The following PATJ variants were observed in gnomAD, a reference collection of about 807,000 sequenced individuals.
PATJ encodes the protein inaD-like protein.
Under a neutral mutation model 224.9 loss-of-function variants are expected in PATJ, and 190 were observed. The observed-to-expected ratio is 0.84, with a 90% CI of 0.75 to 0.95. PATJ has a LOEUF of 0.95. Among genes scored for constraint, PATJ ranks in the 40% least tolerant of loss-of-function variants. The probability of loss-of-function intolerance (pLI) is 0.00; values close to 1 mark genes in which losing one functional copy is unlikely to be tolerated. For missense variants in PATJ, 2,121 were observed against 2,270.3 expected (o/e 0.93, Z 1.34); for synonymous variants, 769 against 820.3 (o/e 0.94, Z 1.07).
chr1:61,830,833 G>A (rs994454277), intron 16 of PATJ, among the ~76,000 whole-genome samples: 14 of 152,238 alleles, frequency 9.2e-5, no homozygotes, highest in African/African-American at 2.9e-4. Context: ...CCCATATGCC[G>A]AAGATTGAAA....
intron 34 of PATJ, 130 bp from the exon 35 acceptor site, chr1:62,113,923 A>C (rs1050333574): frequency 2.2e-5 from 18 of 821,380 alleles, no homozygotes; most frequent in Middle Eastern, 6.9e-4. Flanking sequence ...TGTGGTCACT[A>C]CCTGTTTGCC....
intron 7 of PATJ, among the ~76,000 whole-genome samples, chr1:61,779,989 G>C (rs1647157316): frequency 1.3e-5 from 2 of 152,114 alleles, no homozygotes; most frequent in Non-Finnish European, 2.9e-5. Context: ...CTCAGAGCAA[G>C]AACTCACTGC....
At chr1:61,785,015 C>T (rs1369840980) in intron 7 of PATJ, among the ~76,000 whole-genome samples, 1 of 151,692 alleles carries the variant, frequency 6.6e-6, no homozygotes, top group Non-Finnish European at 1.5e-5. Context: ...GAGCTTTGTA[C>T]GTATTATTTC....
chr1:61,889,875 C>A (rs1037395391), intron 22 of PATJ, among the ~76,000 whole-genome samples: 2 of 152,204 alleles, frequency 1.3e-5, no homozygotes, highest in African/African-American at 4.8e-5. Context: ...GAAAGCAATA[C>A]CTTAGCTGAG....
At chr1:61,830,989 C>G (rs1226245065) in intron 16 of PATJ, among the ~76,000 whole-genome samples, 1 of 152,012 alleles carries the variant, frequency 6.6e-6, no homozygotes, top group African/African-American at 2.4e-5. Flanking sequence ...AGATTGAGAC[C>G]TTCCTGACTA....
At chr1:61,914,490 A>C in intron 25 of PATJ, 97 bp from the exon 26 acceptor site, 1 of 582,036 alleles carries the variant, frequency 1.7e-6, no homozygotes, top group South Asian at 2.2e-5. Context: ...TAATGATTGA[A>C]AAAAAATTCT....
intron 14 of PATJ, among the ~76,000 whole-genome samples, chr1:61,812,900 G>A (rs1655158349): frequency 6.6e-6 from 1 of 151,846 alleles, no homozygotes; most frequent in Admixed American, 6.6e-5. Context: ...AAGACCCTGG[G>A]GTGTTTACCA....
chr1:61,822,429 G>GGA (rs777499918), intron 14 of PATJ, among the ~76,000 whole-genome samples: 366 of 116,618 alleles, frequency 3.1e-3, no homozygotes, highest in Non-Finnish European at 5.0e-3. Flanking sequence ...GACTGTGTCA[G>GGA]AAAAAAAAAA....
intron 39 of PATJ, among the ~76,000 whole-genome samples, chr1:62,124,869 T>A (rs953399301): frequency 2.0e-5 from 3 of 152,142 alleles, no homozygotes; most frequent in African/African-American, 7.2e-5. Flanking sequence ...TACAGTCACA[T>A]TCTGAGGCCC....
chr1:61,783,438 T>C (rs1341540107), intron 7 of PATJ, among the ~76,000 whole-genome samples: 4 of 148,954 alleles, frequency 2.7e-5, no homozygotes, highest in South Asian at 4.2e-4. Context: ...TTTTTTTTTT[T>C]TTTAAATAGA....
At chr1:62,114,336 T>C (rs1664216661) in intron 35 of PATJ, 90 bp downstream of exon 35, 1 of 1,108,770 alleles carries the variant, frequency 9.0e-7, no homozygotes, top group Non-Finnish European at 1.3e-6. Flanking sequence ...TAATGTAAAG[T>C]AGTGATGGGA....
intron 40 of PATJ, chr1:62,128,347 C>T: frequency 4.9e-6 from 2 of 404,286 alleles, no homozygotes; most frequent in Non-Finnish European, 8.8e-6. Flanking sequence ...CCTCCTTTAC[C>T]CTTTTAAGCA....
chr1:61,869,673 G>A (rs1209770564), intron 20 of PATJ, among the ~76,000 whole-genome samples: 4 of 152,214 alleles, frequency 2.6e-5, no homozygotes, highest in African/African-American at 9.6e-5. Context: ...TGTGACAGAG[G>A]TGCCCTGTTT....
intron 41 of PATJ, among the ~76,000 whole-genome samples, chr1:62,133,441 G>A (rs1450983254): frequency 2.0e-5 from 3 of 152,146 alleles, no homozygotes; most frequent in Non-Finnish European, 4.4e-5. Context: ...AATTAGCCGG[G>A]TGTGTTGGCA....
At chr1:61,885,826 A>G (rs1408253265) in intron 22 of PATJ, among the ~76,000 whole-genome samples, 3 of 151,680 alleles carry the variant, frequency 2.0e-5, no homozygotes, top group African/African-American at 7.3e-5. Flanking sequence ...ACACATATAC[A>G]CCATGGAATA....
rs553931859 is a variant in PATJ at position 62,098,149 on chromosome 1, G to A, written c.4378-10288G>A. Among the ~76,000 whole-genome samples the A allele has an allele frequency of 2.6e-5, 4 of 152,086 alleles. No homozygotes were observed. In the East Asian group the frequency reaches 7.8e-4, roughly 30 times the overall value. ...CCGAGGCAGGTGGATCACGAGGTCA[G>A]GAGATAGAGACCATCCTGGCTAACA... is the stretch of plus-strand genomic sequence containing the variant. On this transcript the variant is annotated intron_variant, in intron 33 of 43. Transcript: ENST00000642238.
rs1315698062 is a variant in PATJ at position 61,805,430 on chromosome 1, T to TC, written c.1550-18_1550-17insC. The TC allele has an allele frequency of 2.2e-6, 3 of 1,364,200 alleles. No individual in the cohort carries two copies. Among genetic ancestry groups the TC allele is most frequent in the African/African-American group, 1.5e-5 (1 of 68,926 alleles). The allele number at this position is 1,364,200 out of a possible 1,614,324, so 84.5% of individuals were successfully genotyped here. ...TTTCAACATTCTCTCGCTCTCTCTC[T>TC]TTTTTTTTAATATCCAGAAAAAGTC... On this transcript the variant is annotated splice_polypyrimidine_tract_variant and intron_variant, in intron 12 of 43. Transcript: ENST00000642238.
Position 61,769,384 on chromosome 1 carries a change from C to T in PATJ, c.486C>T (p.Ile162=). The change falls in exon 5 of 44, where the codon ATC becomes ATT. Residue 162 remains isoleucine (I), a synonymous_variant. Transcript: ENST00000642238. ...LRSQNLGKVD[I]FVKDVQPGSV... is the part of the protein sequence containing the mutation. Reference sequence around the variant, plus strand: ...GTCAAAATCTCGGAAAAGTTGATATCTTCGTGAAGGATGTCCAGCCAGGGA... The same window carrying T: ...GTCAAAATCTCGGAAAAGTTGATATTTTCGTGAAGGATGTCCAGCCAGGGA... The T allele has an allele frequency of 1.2e-6, 2 of 1,614,030 alleles. No homozygotes were observed. The highest frequency in any genetic ancestry group is 1.7e-6 in the Non-Finnish European group (2 of 1,179,980).
chr1:61,928,229 C>T (rs1198475177), intron 27 of PATJ, among the ~76,000 whole-genome samples: 1 of 152,166 alleles, frequency 6.6e-6, no homozygotes, highest in African/African-American at 2.4e-5. Context: ...GGCCCACCAA[C>T]TTGTATTTTG....
Sources: gnomAD v4.1 joint callset for allele counts (sites outside exome capture counted in the v4.1 genomes callset) on GRCh38, gnomAD v4.1.1 for gene constraint, MANE v1.5 for transcripts, NCBI Gene and HGNC (gene_info 2026-07-23, HGNC 2026-07-21) for gene names.